Variants in CMIP observed in about 807,000 individuals in gnomAD.
CMIP encodes the protein c-Maf inducing protein.
Under a neutral mutation model 97.3 loss-of-function variants are expected in CMIP, and 13 were observed. The ratio of observed to expected loss-of-function variants is 0.13; its 90% CI spans 0.09 to 0.21. The LOEUF is 0.21. CMIP is among the 10% of genes least tolerant of loss of function. The pLI is 1.00. For synonymous variants in CMIP, 538 were observed against 436.3 expected (o/e 1.23, Z -2.91); for missense variants, 847 against 1,024.9 (o/e 0.83, Z 2.37).
Position 81,470,932 on chromosome 16 carries a change from A to G in CMIP, c.300+25391A>G, listed in dbSNP as rs150551687. Among the ~76,000 whole-genome samples the G allele has an allele frequency of 6.3e-3, 954 of 152,388 alleles. 6 individuals are homozygous for G. Among genetic ancestry groups the G allele is most frequent in the Middle Eastern group, 0.041 (12 of 294 alleles). ...GAAAAGGGAGTGTTATGATTGGTGT[A>G]CATACACATAGGCACACACATATGC... On this transcript the variant is annotated intron_variant, in intron 1 of 20. Coordinates refer to ENST00000537098, the MANE Select transcript of CMIP (RefSeq NM_198390.3).
At chr16:81,498,574 C>T (rs2089536831) in intron 1 of CMIP, among the ~76,000 whole-genome samples, 1 of 152,362 alleles carries the variant, frequency 6.6e-6, no homozygotes, top group African/African-American at 2.4e-5. Flanking sequence ...TCATGGCTCC[C>T]ATCCCTCCAT....
intron 1 of CMIP, among the ~76,000 whole-genome samples, chr16:81,463,254 A>G (rs1906997589): frequency 6.6e-6 from 1 of 152,154 alleles, no homozygotes; most frequent in African/African-American, 2.4e-5. Flanking sequence ...GTTTCTCCCC[A>G]GGTTGGCTGG....
intron 3 of CMIP, among the ~76,000 whole-genome samples, chr16:81,637,362 G>A (rs543844327): frequency 3.3e-5 from 5 of 152,148 alleles, no homozygotes; most frequent in Non-Finnish European, 5.9e-5. Context: ...TGTGAGCCAC[G>A]GTGCCCAGCT....
chr16:81,589,483 G>GT (rs74264889), intron 1 of CMIP, among the ~76,000 whole-genome samples: 1,556 of 141,240 alleles, frequency 0.011, 12 homozygotes, highest in Admixed American at 0.013. Context: ...GCAGACTTGT[G>GT]TTTTTTTTTT....
intron 1 of CMIP, among the ~76,000 whole-genome samples, chr16:81,606,661 A>C (rs528050937): frequency 6.6e-6 from 1 of 151,898 alleles, no homozygotes; most frequent in Non-Finnish European, 1.5e-5. Context: ...AGTGGGAACC[A>C]AGACAGACCT....
chr16:81,693,483 A>G lies in CMIP; in HGVS notation c.1526A>G (p.Gln509Arg). Residue 509 changes from glutamine to arginine, a missense_variant, in exon 13 of 21, where the codon CAA becomes CGA. This residue lies in a region of CMIP where 266 missense variants were observed against 384.2 expected (regional missense o/e 0.69). Transcript: ENST00000537098. The stretch of plus-strand genomic sequence containing the variant: ...CAGAGGTTCGCCGAAGACCCCAGGC[A>G]AGAGGTGAGGCCTTTGTTTCTGCAT... ...VIQRFAEDPR[Q>R]EVHSCLLSVR... is the part of the protein sequence containing the mutation. 1 of 1,612,580 alleles carries G rather than the reference A, an allele frequency of 6.2e-7. No individual in the cohort carries two copies. The highest frequency in any genetic ancestry group is 1.1e-5 in the South Asian group (1 of 90,760).
Position 81,445,364 on chromosome 16 carries a change from C to G in CMIP, c.123C>G (p.Arg41=). 1 of 1,603,868 alleles carries G rather than the reference C, an allele frequency of 6.2e-7. No homozygotes were observed. The highest frequency in any genetic ancestry group is 8.5e-7 in the Non-Finnish European group (1 of 1,175,660). ...CGAAGATGGGCGCCGTGCCCTGCCG[C>G]CGGGCTCTTCTGCTTTGCAACGGGA... The part of the protein sequence containing the change: ...EGTKMGAVPC[R]RALLLCNGMR... The change falls in exon 1 of 21, where the codon CGC becomes CGG. Residue 41 remains arginine, a synonymous_variant. Coordinates refer to ENST00000537098, the MANE Select transcript of CMIP (RefSeq NM_198390.3).
chr16:81,591,969 G>A (rs557828926), intron 1 of CMIP, among the ~76,000 whole-genome samples: 19 of 151,230 alleles, frequency 1.3e-4, no homozygotes, highest in Middle Eastern at 3.4e-3. Context: ...GATTACAGGC[G>A]CCTGCCACCA....
At chr16:81,564,412 C>G (rs1014016606) in intron 1 of CMIP, among the ~76,000 whole-genome samples, 3 of 152,184 alleles carry the variant, frequency 2.0e-5, no homozygotes, top group Non-Finnish European at 1.5e-5. Flanking sequence ...GTAATGGTCT[C>G]AGAGCAGAAA....
At chr16:81,690,854 AGGT>A (rs1450272568) in intron 10 of CMIP, among the ~76,000 whole-genome samples, 1 of 152,084 alleles carries the variant, frequency 6.6e-6, no homozygotes, top group Non-Finnish European at 1.5e-5. Context: ...TGAACCCAGG[AGGT>A]GGAGGTTGCA....
chr16:81,577,756 C>T (rs1319334958), intron 1 of CMIP, among the ~76,000 whole-genome samples: 3 of 136,046 alleles, frequency 2.2e-5, no homozygotes, highest in African/African-American at 5.9e-5. Context: ...TACCACTACG[C>T]TATTATCACT....
At chr16:81,464,436 C>G (rs949466350) in intron 1 of CMIP, 2 of 152,220 alleles carry the variant, frequency 1.3e-5, no homozygotes, top group Non-Finnish European at 2.9e-5. Flanking sequence ...ATGCTGTTTT[C>G]TCACTTTGTC....
intron 1 of CMIP, among the ~76,000 whole-genome samples, chr16:81,466,890 T>C (rs1355280245): frequency 6.6e-6 from 1 of 152,250 alleles, no homozygotes; most frequent in Non-Finnish European, 1.5e-5. Flanking sequence ...AAGTTCAGTT[T>C]CTGCAACCAG....
chr16:81,604,253 GGGCGTGGTGGC>G (rs2150937190), intron 1 of CMIP, among the ~76,000 whole-genome samples: 1 of 151,414 alleles, frequency 6.6e-6, no homozygotes, highest in East Asian at 1.9e-4. Flanking sequence ...AAAATTAGCT[GGGCGTGGTGGC>G]GCACGCCTGT....
intron 1 of CMIP, among the ~76,000 whole-genome samples, chr16:81,452,657 A>G (rs1230474863): frequency 6.6e-6 from 1 of 152,040 alleles, no homozygotes; most frequent in Non-Finnish European, 1.5e-5. Context: ...GCCCTGAGGG[A>G]GGAGATCATC....
intron 1 of CMIP, among the ~76,000 whole-genome samples, chr16:81,537,949 GGCC>G (rs1443602825): frequency 6.6e-6 from 1 of 152,222 alleles, no homozygotes; most frequent in Non-Finnish European, 1.5e-5. Context: ...TTGGCCGTCA[GGCC>G]GAGGCGGGTG....
In CMIP at chr16:81,594,023, CT is replaced by C. The variant is rs748168527; in HGVS notation, c.301-13542del. ...CCTCTTTCCTCCTCTTCCTCCCCCC[CT>C]TCTCCTCCTCCTCCCCCTCCTTCTC... On this transcript the variant is annotated intron_variant, in intron 1 of 20. Transcript: ENST00000537098. 6.3e-3 allele frequency among the ~76,000 whole-genome samples: 602 copies of C among 95,356 alleles called. 1 individual carries two copies. Among genetic ancestry groups the C allele is most frequent in the Non-Finnish European group, 0.01 (463 of 45,674 alleles). 62.6% of individuals were successfully genotyped at this position (95,356 alleles called of 152,430 possible).
At chr16:81,590,726 A>G (rs1223143819) in intron 1 of CMIP, among the ~76,000 whole-genome samples, 1 of 152,192 alleles carries the variant, frequency 6.6e-6, no homozygotes, top group Non-Finnish European at 1.5e-5. Context: ...GTAAACAACA[A>G]ATAACAAACT....
chr16:81,460,202 C>G (rs951684756), intron 1 of CMIP, among the ~76,000 whole-genome samples: 5 of 152,130 alleles, frequency 3.3e-5, no homozygotes, highest in Non-Finnish European at 7.4e-5. Flanking sequence ...ACCCTCCATT[C>G]TTTTCTGCTC....
Sources: allele counts gnomAD v4.1 joint callset (sites outside exome capture counted in the v4.1 genomes callset), GRCh38; gene constraint gnomAD v4.1.1; regional missense constraint gnomAD v4.1.1; transcripts MANE v1.5; gene names NCBI Gene and HGNC (gene_info 2026-07-23, HGNC 2026-07-21).